Variants in TIAM2 observed in about 807,000 individuals in gnomAD.
The protein encoded by TIAM2 is rho guanine nucleotide exchange factor TIAM2.
Under a neutral mutation model 152.9 loss-of-function variants are expected in TIAM2, and 80 were observed. That is an observed-to-expected ratio of 0.52 (90% CI 0.44 to 0.63). TIAM2 has a LOEUF of 0.63. Ranked by LOEUF, TIAM2 falls within the 30% of genes least tolerant of loss-of-function variation. The pLI is 0.00. For missense variants in TIAM2, 1,965 were observed against 2,120.1 expected (o/e 0.93, Z 1.44); for synonymous variants, 804 against 838.0 (o/e 0.96, Z 0.70).
chr6:155,137,260 A>G lies in TIAM2; in HGVS notation c.1278A>G (p.Ala426=), dbSNP rs757624118. The G allele has an allele frequency of 3.1e-6, 5 of 1,614,104 alleles. No homozygotes were observed. The Admixed American group carries it at 5.0e-5, about 16-fold the overall frequency. Residue 426 remains alanine (A), a synonymous_variant, in exon 5 of 27, where the codon GCA becomes GCG. Coordinates refer to ENST00000682666, the MANE Select transcript of TIAM2 (RefSeq NM_012454.4). ...CAGATGTGCAGGGATCCTCCCAGGC[A>G]TCTGCTTTTCTGTGGTCAGGGGGCT... The part of the protein sequence containing the change: ...LNTDVQGSSQ[A]SAFLWSGGST...
At chr6:155,170,294 C>T (rs1780554201) in intron 9 of TIAM2, among the ~76,000 whole-genome samples, 1 of 120,476 alleles carries the variant, frequency 8.3e-6, no homozygotes, top group Admixed American at 7.8e-5. Flanking sequence ...TTTTAGGGTC[C>T]TATCTCTTCC....
At chr6:155,017,844 G>A (rs1028598999) in intron 1 of TIAM2, among the ~76,000 whole-genome samples, 4 of 151,958 alleles carry the variant, frequency 2.6e-5, no homozygotes, top group Admixed American at 2.0e-4. Flanking sequence ...AACTTAGCCT[G>A]ACGTTTTAAG....
chr6:155,015,406 C>G (rs1778556030), intron 1 of TIAM2, among the ~76,000 whole-genome samples: 1 of 151,966 alleles, frequency 6.6e-6, no homozygotes, highest in Non-Finnish European at 1.5e-5. Flanking sequence ...CAGGTCTGGG[C>G]TGGGTATGTA....
chr6:155,223,760 G>GT (rs1056499317), intron 15 of TIAM2, among the ~76,000 whole-genome samples: 2 of 152,114 alleles, frequency 1.3e-5, no homozygotes, highest in Non-Finnish European at 2.9e-5. Context: ...TAGGAGGGGT[G>GT]TTTTTTATGC....
At chr6:155,089,513 G>A (rs947593179) in intron 1 of TIAM2, among the ~76,000 whole-genome samples, 1 of 152,116 alleles carries the variant, frequency 6.6e-6, no homozygotes, top group Non-Finnish European at 1.5e-5. Context: ...GGCCTCATCT[G>A]TTTAATAAGT....
chr6:155,102,701 CA>C (rs1379497921), intron 2 of TIAM2, among the ~76,000 whole-genome samples: 2 of 151,306 alleles, frequency 1.3e-5, no homozygotes, highest in African/African-American at 2.4e-5. Flanking sequence ...GTCAGGTTTG[CA>C]ACAATTTTTG....
chr6:155,157,749 G>A (rs900285692), intron 7 of TIAM2, among the ~76,000 whole-genome samples: 1 of 152,192 alleles, frequency 6.6e-6, no homozygotes, highest in Non-Finnish European at 1.5e-5. Flanking sequence ...ATTCATAGGC[G>A]CTACTGCTCC....
intron 1 of TIAM2, among the ~76,000 whole-genome samples, chr6:155,023,519 G>A (rs1443712860): frequency 3.3e-5 from 5 of 152,126 alleles, no homozygotes; most frequent in Non-Finnish European, 2.9e-5. Flanking sequence ...ATGTCTGTGC[G>A]TTTGCTCTTG....
intron 1 of TIAM2, among the ~76,000 whole-genome samples, chr6:155,012,695 C>T (rs955567229): frequency 2.4e-4 from 37 of 152,142 alleles, no homozygotes; most frequent in African/African-American, 8.4e-4. Context: ...GGACTACAGG[C>T]TCCCGCCACC....
At chr6:155,216,995 G>A (rs907720656) in intron 15 of TIAM2, 11 of 1,262,858 alleles carry the variant, frequency 8.7e-6, no homozygotes, top group East Asian at 5.8e-5. Flanking sequence ...GAGAGACAAC[G>A]TGTGTCTTAC....
intron 26 of TIAM2, chr6:155,256,228 G>A: frequency 1.7e-6 from 1 of 596,900 alleles, no homozygotes; most frequent in Non-Finnish European, 2.9e-6. Context: ...AGTTTCTAGT[G>A]TCTAGTTCTA....
chr6:155,088,052 CTTTTTTT>C (rs113372173), intron 1 of TIAM2, among the ~76,000 whole-genome samples: 33 of 118,998 alleles, frequency 2.8e-4, no homozygotes, highest in Admixed American at 8.5e-4. Context: ...TTCTTTCTTT[CTTTTTTT>C]TTTTTTTTTT....
chr6:155,192,750 C>T (rs1781238662), intron 14 of TIAM2, among the ~76,000 whole-genome samples: 1 of 151,986 alleles, frequency 6.6e-6, no homozygotes, highest in Non-Finnish European at 1.5e-5. Flanking sequence ...TACATTCAGT[C>T]TGTTGCAGTG....
At chr6:155,098,829 T>C (rs1778480075) in intron 2 of TIAM2, among the ~76,000 whole-genome samples, 1 of 152,246 alleles carries the variant, frequency 6.6e-6, no homozygotes, top group Non-Finnish European at 1.5e-5. Flanking sequence ...GTGAAAGTAA[T>C]TAATTGGTCA....
At chr6:155,109,766 C>T (rs1778791519) in intron 2 of TIAM2, among the ~76,000 whole-genome samples, 1 of 152,100 alleles carries the variant, frequency 6.6e-6, no homozygotes. Context: ...TTGTCCGAAG[C>T]CACAGAGATG....
At chr6:155,101,622 A>G (rs1289113265) in intron 2 of TIAM2, among the ~76,000 whole-genome samples, 1 of 152,220 alleles carries the variant, frequency 6.6e-6, no homozygotes, top group Non-Finnish European at 1.5e-5. Context: ...CCTGAGAAGT[A>G]AAGAATATGG....
rs548893321 is a variant in TIAM2 at position 155,250,361 on chromosome 6, G to A, written c.3951+392G>A. ...CTTACTTATAAAACTAGTCCAAGCA[G>A]GATTTGACATTTTCTGTATTTTTCC... On this transcript the variant is annotated intron_variant, in intron 21 of 26. Transcript: ENST00000682666. Among the ~76,000 whole-genome samples, 4 of 151,360 alleles carry A rather than the reference G, an allele frequency of 2.6e-5. No individual in the cohort carries two copies. In the East Asian group the frequency reaches 5.8e-4, roughly 22 times the overall value.
At chr6:155,173,483 C>T (rs1360811803) in intron 9 of TIAM2, among the ~76,000 whole-genome samples, 1 of 152,180 alleles carries the variant, frequency 6.6e-6, no homozygotes, top group Non-Finnish European at 1.5e-5. Context: ...ACTTATTCTC[C>T]TTCAATAATC....
intron 6 of TIAM2, among the ~76,000 whole-genome samples, chr6:155,146,694 C>T (rs1344481064): frequency 6.6e-6 from 1 of 151,732 alleles, no homozygotes; most frequent in African/African-American, 2.4e-5. Context: ...CTCCCCGGTT[C>T]AAGCAATTCT....
Sources: allele counts gnomAD v4.1 joint callset (sites outside exome capture counted in the v4.1 genomes callset), GRCh38; gene constraint gnomAD v4.1.1; transcripts MANE v1.5; gene names NCBI Gene and HGNC (gene_info 2026-07-23, HGNC 2026-07-21).